CACNB2: variants seen among roughly 807,000 people sequenced by gnomAD.
CACNB2 encodes voltage-dependent L-type calcium channel subunit beta-2.
Under a neutral mutation model 73.3 loss-of-function variants are expected in CACNB2, and 42 were observed. That is an observed-to-expected ratio of 0.57 (90% CI 0.45 to 0.74). CACNB2 has a LOEUF of 0.74. CACNB2 is among the 30% of genes least tolerant of loss of function. CACNB2 has a pLI of 0.00. For missense variants in CACNB2, 940 were observed against 853.0 expected (o/e 1.10, Z -1.27); for synonymous variants, 348 against 310.3 (o/e 1.12, Z -1.28).
chr10:18,331,771 G>C (rs777599577), intron 2 of CACNB2, among the ~76,000 whole-genome samples: 1 of 152,198 alleles, frequency 6.6e-6, no homozygotes, highest in Non-Finnish European at 1.5e-5. Context: ...GCCTAGCTCA[G>C]ATCTCCAAAT....
chr10:18,454,056 T>C (rs2047146953), intron 3 of CACNB2, among the ~76,000 whole-genome samples: 1 of 152,192 alleles, frequency 6.6e-6, no homozygotes, highest in African/African-American at 2.4e-5. Flanking sequence ...ATAGGTATTG[T>C]ATAAATAATG....
At chr10:18,446,466 T>C (rs10828707) in intron 3 of CACNB2, among the ~76,000 whole-genome samples, 96,739 of 151,906 alleles carry the variant, frequency 0.64, 31,987 homozygotes, top group South Asian at 0.74. Context: ...TTAAGGTGAC[T>C]ATAAGACTAG....
At chr10:18,374,096 C>G (rs2042696170) in intron 2 of CACNB2, among the ~76,000 whole-genome samples, 1 of 152,156 alleles carries the variant, frequency 6.6e-6, no homozygotes, top group South Asian at 2.1e-4. Flanking sequence ...GAAGAAGAAG[C>G]TATACAGTGA....
chr10:18,420,328 C>T (rs905228994), intron 3 of CACNB2, among the ~76,000 whole-genome samples: 3 of 128,736 alleles, frequency 2.3e-5, no homozygotes, highest in Non-Finnish European at 5.2e-5. Context: ...CACACACACA[C>T]ACAGAGAGAG....
At chr10:18,414,906 G>A (rs1007857990) in intron 3 of CACNB2, among the ~76,000 whole-genome samples, 8 of 151,920 alleles carry the variant, frequency 5.3e-5, no homozygotes, top group East Asian at 1.9e-4. Context: ...AGACTTTTAC[G>A]CAGAGCTTAA....
intron 10 of CACNB2, among the ~76,000 whole-genome samples, chr10:18,533,785 T>A (rs2053293821): frequency 6.6e-6 from 1 of 152,308 alleles, no homozygotes; most frequent in East Asian, 1.9e-4. Flanking sequence ...TTTCATAGAC[T>A]GCAAGCACAA....
At chr10:18,500,613 A>G (rs2050141591) in intron 4 of CACNB2, among the ~76,000 whole-genome samples, 199 bp from the exon 5 acceptor site, 1 of 152,222 alleles carries the variant, frequency 6.6e-6, no homozygotes, top group Non-Finnish European at 1.5e-5. Flanking sequence ...CAAGGAACGC[A>G]GAGCCTTTGA....
intron 6 of CACNB2, among the ~76,000 whole-genome samples, chr10:18,507,010 G>A (rs1232062078): frequency 6.6e-6 from 1 of 152,136 alleles, no homozygotes; most frequent in Non-Finnish European, 1.5e-5. Flanking sequence ...TGTTGCCCAG[G>A]CTGGTCTCGA....
At chr10:18,290,101 T>C (rs1321197875) in intron 2 of CACNB2, among the ~76,000 whole-genome samples, 2 of 144,950 alleles carry the variant, frequency 1.4e-5, no homozygotes, top group East Asian at 4.0e-4. Flanking sequence ...GTTTTTTTCT[T>C]TTTTCTTTTT....
chr10:18,506,577 A>G (rs2050499744), intron 6 of CACNB2, 30 bp downstream of exon 6: 2 of 1,323,098 alleles, frequency 1.5e-6, no homozygotes, highest in Non-Finnish European at 1.1e-6. Flanking sequence ...TGAATAATAC[A>G]TACTGCATTT....
intron 3 of CACNB2, among the ~76,000 whole-genome samples, chr10:18,432,851 C>A (rs2045956393): frequency 6.6e-6 from 1 of 151,616 alleles, no homozygotes; most frequent in Admixed American, 6.6e-5. Flanking sequence ...AACAAACAAA[C>A]AAACAAACAA....
At chr10:18,240,675 C>G (rs533149576) in intron 2 of CACNB2, among the ~76,000 whole-genome samples, 7 of 152,152 alleles carry the variant, frequency 4.6e-5, no homozygotes, top group Non-Finnish European at 1.0e-4. Flanking sequence ...GTTACGCAAA[C>G]CAGTAACCTC....
chr10:18,513,434 T>C lies in CACNB2; in HGVS notation c.671-802T>C, dbSNP rs141998001. 822 of 211,478 alleles carry C rather than the reference T, an allele frequency of 3.9e-3. 2 individuals are homozygous for C. The highest frequency in any genetic ancestry group is 6.4e-3 in the Admixed American group (126 of 19,708). The allele number at this position is 211,478 out of a possible 1,614,324, so 13.1% of individuals were successfully genotyped here. A position where few individuals can be genotyped will look rare whatever the true frequency, so the allele number is the denominator to read the frequency against. On this transcript the variant is annotated intron_variant, in intron 6 of 13. Transcript: ENST00000324631. The stretch of plus-strand genomic sequence containing the variant: ...ATCAGCTTTGATTATTGTTCTTGAG[T>C]AGTCGCTGTCAACTTCCAATGGTCA...
At chr10:18,409,790 C>T (rs547110516) in intron 3 of CACNB2, among the ~76,000 whole-genome samples, 7 of 152,286 alleles carry the variant, frequency 4.6e-5, no homozygotes, top group Admixed American at 2.0e-4. Flanking sequence ...CTGTCTTGCT[C>T]TATTGGACCG....
At chr10:18,149,146 A>G (rs781238632) in intron 1 of CACNB2, among the ~76,000 whole-genome samples, 17 of 152,198 alleles carry the variant, frequency 1.1e-4, no homozygotes, top group Non-Finnish European at 2.1e-4. Context: ...AATACTTTCT[A>G]GGTAATAAGT....
intron 2 of CACNB2, among the ~76,000 whole-genome samples, chr10:18,360,358 G>A (rs1250906604): frequency 2.6e-5 from 4 of 152,172 alleles, no homozygotes; most frequent in African/African-American, 7.2e-5. Flanking sequence ...CTCCTGAGTA[G>A]CTGGGACTAC....
intron 3 of CACNB2, among the ~76,000 whole-genome samples, chr10:18,421,279 G>A (rs1413751107): frequency 6.6e-6 from 1 of 150,744 alleles, no homozygotes; most frequent in Non-Finnish European, 1.5e-5. Flanking sequence ...AATATTACCA[G>A]TGTGGTTTTT....
At chr10:18,190,350 A>T (rs1564330507) in intron 2 of CACNB2, among the ~76,000 whole-genome samples, 1 of 152,112 alleles carries the variant, frequency 6.6e-6, no homozygotes, top group Non-Finnish European at 1.5e-5. Context: ...TTCAGTTACT[A>T]TTCCAAGAGG....
intron 2 of CACNB2, among the ~76,000 whole-genome samples, chr10:18,318,596 T>A (rs1204156239): frequency 6.6e-6 from 1 of 152,078 alleles, no homozygotes; most frequent in East Asian, 1.9e-4. Flanking sequence ...AAGCCAAAAC[T>A]GACAAATGGG....
Sources: gnomAD v4.1 joint callset for allele counts (sites outside exome capture counted in the v4.1 genomes callset) on GRCh38, gnomAD v4.1.1 for gene constraint, MANE v1.5 for transcripts, NCBI Gene and HGNC (gene_info 2026-07-23, HGNC 2026-07-21) for gene names.